Variants in CNOT10 observed in about 807,000 individuals in gnomAD.
CNOT10 encodes CCR4-NOT transcription complex subunit 10, also known as CCR4-NOT transcription complex, subunit 10.
A neutral mutation model predicts 94.6 loss-of-function variants in CNOT10; 30 were observed. The ratio of observed to expected loss-of-function variants is 0.32; its 90% CI spans 0.24 to 0.43. The LOEUF is 0.43. Ranked by LOEUF, CNOT10 falls within the 20% of genes least tolerant of loss-of-function variation. The probability of loss-of-function intolerance (pLI) is 1.00; values close to 1 mark genes in which losing one functional copy is unlikely to be tolerated. For missense variants in CNOT10, 759 were observed against 877.2 expected (o/e 0.87, Z 1.70); for synonymous variants, 289 against 301.6 (o/e 0.96, Z 0.43).
At chr3:32,757,264 C>T (rs1044749055) in intron 13 of CNOT10, among the ~76,000 whole-genome samples, 2 of 143,428 alleles carry the variant, frequency 1.4e-5, no homozygotes, top group African/African-American at 5.2e-5. Flanking sequence ...ACCGCAACCT[C>T]CACCTTCCAG....
chr3:32,759,796 T>C (rs903553505), intron 14 of CNOT10, among the ~76,000 whole-genome samples: 15 of 152,212 alleles, frequency 9.9e-5, no homozygotes, highest in Non-Finnish European at 1.9e-4. Flanking sequence ...TAGTGTCCAC[T>C]TCTAGGCTTC....
At chr3:32,689,673 A>G (rs1696771625) in intron 1 of CNOT10, among the ~76,000 whole-genome samples, 1 of 152,206 alleles carries the variant, frequency 6.6e-6, no homozygotes, top group South Asian at 2.1e-4. Context: ...GAGACACTCA[A>G]CACATAATTT....
At position 32,767,034 on chromosome 3, in the gene CNOT10, AG is replaced by A. The variant is rs1189476597; in HGVS notation, c.2004+2226del. ...ATACTACAATCTTGCCCTTGCTTGT[AG>A]ACCTTTGCAGTTAGGAGACACCTTC... is the stretch of plus-strand genomic sequence containing the variant. On this transcript the variant is annotated intron_variant, in intron 17 of 18. Transcript: ENST00000328834. Among the ~76,000 whole-genome samples the A allele has an allele frequency of 1.1e-4, 16 of 152,230 alleles. No individual in the cohort carries two copies. In the South Asian group the frequency reaches 1.9e-3, roughly 18 times the overall value.
chr3:32,743,176 G>T (rs1172187830), intron 13 of CNOT10, among the ~76,000 whole-genome samples: 1 of 151,680 alleles, frequency 6.6e-6, no homozygotes, highest in Non-Finnish European at 1.5e-5. Context: ...TAGTAGAGGT[G>T]GGGTTTCACC....
intron 7 of CNOT10, among the ~76,000 whole-genome samples, chr3:32,717,740 C>T (rs545491949): frequency 1.3e-5 from 2 of 151,994 alleles, no homozygotes; most frequent in Non-Finnish European, 2.9e-5. Context: ...GTGGCGTGTG[C>T]CTGTAGTCCC....
chr3:32,685,490 G>T lies in CNOT10; in HGVS notation c.22+8G>T. On this transcript the variant is annotated splice_region_variant and intron_variant, in intron 1 of 18. Coordinates refer to ENST00000328834, the MANE Select transcript of CNOT10 (RefSeq NM_015442.3). Reference sequence around the variant, plus strand: ...CTGCAGACAAGCCTGCAGGTAGGGCGCCAATGTCCCGAGCGACGAGACGGC... The same window carrying T: ...CTGCAGACAAGCCTGCAGGTAGGGCTCCAATGTCCCGAGCGACGAGACGGC... 2 of 1,550,368 alleles carry T rather than the reference G, an allele frequency of 1.3e-6. No homozygotes were observed. Among genetic ancestry groups the T allele is most frequent in the South Asian group, 1.2e-5 (1 of 84,030 alleles).
intron 1 of CNOT10, among the ~76,000 whole-genome samples, chr3:32,697,138 AC>A (rs1697112090): frequency 6.6e-6 from 1 of 151,450 alleles, no homozygotes; most frequent in African/African-American, 2.4e-5. Flanking sequence ...TTTAGTAGAA[AC>A]GGGTTTCACC....
At chr3:32,707,805 A>G (rs892085230) in intron 3 of CNOT10, among the ~76,000 whole-genome samples, 3 of 152,122 alleles carry the variant, frequency 2.0e-5, no homozygotes, top group Admixed American at 6.5e-5. Flanking sequence ...AAAAAAAAAA[A>G]TTATCTATGA....
chr3:32,755,466 G>C (rs1700190146), intron 13 of CNOT10, among the ~76,000 whole-genome samples: 1 of 151,552 alleles, frequency 6.6e-6, no homozygotes, highest in South Asian at 2.1e-4. Flanking sequence ...TCACAGGCAT[G>C]TGCCACCACG....
intron 13 of CNOT10, among the ~76,000 whole-genome samples, chr3:32,758,096 GA>G (rs1349899763): frequency 6.6e-6 from 1 of 152,122 alleles, no homozygotes; most frequent in Non-Finnish European, 1.5e-5. Context: ...AATGTGATTG[GA>G]TGGGAAGAAC....
At chr3:32,719,882 T>C (rs1698293894) in intron 7 of CNOT10, among the ~76,000 whole-genome samples, 1 of 152,212 alleles carries the variant, frequency 6.6e-6, no homozygotes, top group Non-Finnish European at 1.5e-5. Context: ...CATATACCTA[T>C]ATTTATTTTT....
intron 9 of CNOT10, among the ~76,000 whole-genome samples, chr3:32,727,361 T>A (rs1698722751): frequency 6.6e-6 from 1 of 152,106 alleles, no homozygotes; most frequent in African/African-American, 2.4e-5. Flanking sequence ...AGAAAAGTAG[T>A]ATAAGGTGCA....
chr3:32,731,203 G>T, intron 10 of CNOT10, among the ~76,000 whole-genome samples: 1 of 152,132 alleles, frequency 6.6e-6, no homozygotes, highest in East Asian at 1.9e-4. Flanking sequence ...AATTAGTTTT[G>T]ATCAGAGAAG....
At chr3:32,739,287 G>T (rs1164804924) in intron 13 of CNOT10, among the ~76,000 whole-genome samples, 1 of 152,064 alleles carries the variant, frequency 6.6e-6, no homozygotes, top group African/African-American at 2.4e-5. Context: ...TTTACATATT[G>T]GATTGATGTT....
At chr3:32,726,993 C>T (rs894192674) in intron 9 of CNOT10, among the ~76,000 whole-genome samples, 1 of 151,852 alleles carries the variant, frequency 6.6e-6, no homozygotes, top group East Asian at 2.0e-4. Flanking sequence ...ACTACAGGCA[C>T]ATGCCACCAT....
At chr3:32,695,809 T>A (rs1435895923) in intron 1 of CNOT10, 4 of 1,535,836 alleles carry the variant, frequency 2.6e-6, no homozygotes, top group Non-Finnish European at 3.5e-6. Flanking sequence ...GCTGTGGGAT[T>A]ATGTGCAGAC....
chr3:32,707,908 C>G (rs1270903236), intron 3 of CNOT10, among the ~76,000 whole-genome samples: 1 of 152,080 alleles, frequency 6.6e-6, no homozygotes, highest in Non-Finnish European at 1.5e-5. Context: ...TTGTTTGATA[C>G]AGAGTCTCGC....
At chr3:32,746,606 G>C (rs890609408) in intron 13 of CNOT10, among the ~76,000 whole-genome samples, 1 of 152,090 alleles carries the variant, frequency 6.6e-6, no homozygotes. Context: ...GGAGGCCGAG[G>C]TGGGCAGATC....
intron 14 of CNOT10, among the ~76,000 whole-genome samples, chr3:32,762,000 G>A (rs575313834): frequency 2.0e-5 from 3 of 150,806 alleles, no homozygotes; most frequent in Non-Finnish European, 3.0e-5. Flanking sequence ...TCGAACTCCC[G>A]ACCTCAGGTG....
Sources: allele counts gnomAD v4.1 joint callset (sites outside exome capture counted in the v4.1 genomes callset), GRCh38; gene constraint gnomAD v4.1.1; transcripts MANE v1.5; gene names NCBI Gene and HGNC (gene_info 2026-07-23, HGNC 2026-07-21).